Variants in MVB12B observed in about 807,000 individuals in gnomAD.
The protein encoded by MVB12B is multivesicular body subunit 12B, also known as ESCRT-I complex subunit MVB12B.
In MVB12B, 16 loss-of-function variants were observed where a neutral mutation model predicts 41.6. That is an observed-to-expected ratio of 0.38 (90% CI 0.26 to 0.58). The LOEUF is 0.58. MVB12B is among the 20% of genes least tolerant of loss of function. MVB12B has a pLI of 0.62. For missense variants in MVB12B, 274 were observed against 380.2 expected (o/e 0.72, Z 2.32); for synonymous variants, 133 against 139.7 (o/e 0.95, Z 0.34).
intron 6 of MVB12B, among the ~76,000 whole-genome samples, chr9:126,403,525 A>G (rs1171564744): frequency 1.3e-5 from 2 of 152,146 alleles, no homozygotes; most frequent in African/African-American, 4.8e-5. Flanking sequence ...TTTCTGTTTG[A>G]TCTTACTGAC....
intron 1 of MVB12B, among the ~76,000 whole-genome samples, chr9:126,332,652 C>T (rs1422979248): frequency 6.6e-6 from 1 of 152,196 alleles, no homozygotes; most frequent in African/African-American, 2.4e-5. Flanking sequence ...TGGAAGGGGT[C>T]TGACAGCTCT....
rs1833404455 is a variant in MVB12B at position 126,475,616 on chromosome 9, C to T, written c.758-5753C>T. 2.0e-5 allele frequency among the ~76,000 whole-genome samples: 3 copies of T among 152,200 alleles called. 1 individual carries two copies. In the South Asian group the frequency reaches 6.2e-4, roughly 31 times the overall value. On this transcript the variant is annotated intron_variant, in intron 7 of 9. Transcript: ENST00000361171. ...TGCTTCTCTTTGGAGCCTCCCTGTG[C>T]TGGTGAGAAGGGCACTGTGAGAGCC...
intron 6 of MVB12B, among the ~76,000 whole-genome samples, chr9:126,416,157 G>A (rs1402494945): frequency 1.3e-5 from 2 of 152,224 alleles, no homozygotes; most frequent in Admixed American, 1.3e-4. Context: ...GGTGCTGCAT[G>A]GAGGCCCTCA....
intron 7 of MVB12B, among the ~76,000 whole-genome samples, chr9:126,441,785 A>C (rs1832646422): frequency 6.6e-6 from 1 of 152,226 alleles, no homozygotes; most frequent in Non-Finnish European, 1.5e-5. Flanking sequence ...ATAGTGTAGA[A>C]TATTTAGATG....
chr9:126,416,965 G>C (rs897112678), intron 6 of MVB12B, among the ~76,000 whole-genome samples: 1 of 152,232 alleles, frequency 6.6e-6, no homozygotes. Context: ...TTCGGCAGGT[G>C]ACTTGTCCTG....
intron 9 of MVB12B, among the ~76,000 whole-genome samples, chr9:126,492,322 C>G (rs938423511): frequency 1.3e-5 from 2 of 151,644 alleles, no homozygotes; most frequent in Non-Finnish European, 2.9e-5. Flanking sequence ...TTTTGAGGTG[C>G]TTCCAATTAT....
At chr9:126,410,595 C>A (rs1831615443) in intron 6 of MVB12B, among the ~76,000 whole-genome samples, 1 of 152,140 alleles carries the variant, frequency 6.6e-6, no homozygotes, top group Non-Finnish European at 1.5e-5. Flanking sequence ...GGAACAAAGC[C>A]TTCACGCGGG....
intron 6 of MVB12B, among the ~76,000 whole-genome samples, chr9:126,398,616 C>G (rs1007437400): frequency 1.3e-5 from 2 of 152,220 alleles, no homozygotes; most frequent in African/African-American, 4.8e-5. Context: ...CCAGTGCGGT[C>G]TTTGTGTGGC....
chr9:126,446,059 G>A (rs1832758631), intron 7 of MVB12B, among the ~76,000 whole-genome samples: 2 of 152,146 alleles, frequency 1.3e-5, no homozygotes, highest in South Asian at 2.1e-4. Flanking sequence ...GTGTCCCATG[G>A]TTAAGTCTGA....
intron 7 of MVB12B, among the ~76,000 whole-genome samples, chr9:126,439,821 C>T (rs553989867): frequency 6.6e-6 from 1 of 152,336 alleles, no homozygotes; most frequent in South Asian, 2.1e-4. Context: ...CTTAAGGCTA[C>T]ATTAAGTGGA....
chr9:126,377,887 T>C (rs1830524293), intron 2 of MVB12B, among the ~76,000 whole-genome samples: 1 of 152,222 alleles, frequency 6.6e-6, no homozygotes, highest in South Asian at 2.1e-4. Context: ...AGAGCAGATG[T>C]CCCCTTTTTT....
chr9:126,328,607 C>A (rs1461696292), intron 1 of MVB12B, among the ~76,000 whole-genome samples: 1 of 152,154 alleles, frequency 6.6e-6, no homozygotes, highest in Non-Finnish European at 1.5e-5. Context: ...TAGTATTCAT[C>A]TCATGGGATT....
intron 7 of MVB12B, among the ~76,000 whole-genome samples, chr9:126,470,574 C>T (rs561676083): frequency 1.1e-4 from 16 of 151,970 alleles, no homozygotes; most frequent in Non-Finnish European, 2.1e-4. Flanking sequence ...ACTAGGGATG[C>T]AGAGGGATGA....
At chr9:126,465,449 G>A (rs1833178960) in intron 7 of MVB12B, among the ~76,000 whole-genome samples, 1 of 152,132 alleles carries the variant, frequency 6.6e-6, no homozygotes, top group African/African-American at 2.4e-5. Flanking sequence ...GCACCAGGAT[G>A]AGTCACTGAT....
intron 2 of MVB12B, among the ~76,000 whole-genome samples, chr9:126,354,160 A>G (rs542481772): frequency 3.9e-5 from 6 of 152,198 alleles, no homozygotes; most frequent in African/African-American, 1.2e-4. Context: ...TAGCTGGCTC[A>G]TATGGCTGGC....
At chr9:126,368,506 G>A (rs1288086400) in intron 2 of MVB12B, among the ~76,000 whole-genome samples, 3 of 152,060 alleles carry the variant, frequency 2.0e-5, no homozygotes, top group Non-Finnish European at 4.4e-5. Flanking sequence ...GAGAGGGTTG[G>A]AGAACCTTGT....
At chr9:126,502,200 G>A (rs1833972894) in intron 9 of MVB12B, among the ~76,000 whole-genome samples, 1 of 152,280 alleles carries the variant, frequency 6.6e-6, no homozygotes, top group East Asian at 1.9e-4. Context: ...TTGACGCAGG[G>A]TTCCAGGCCA....
At chr9:126,400,523 C>G (rs1831238452) in intron 6 of MVB12B, among the ~76,000 whole-genome samples, 1 of 152,188 alleles carries the variant, frequency 6.6e-6, no homozygotes, top group African/African-American at 2.4e-5. Context: ...CATATTCCCT[C>G]TCCCCACCTA....
chr9:126,348,519 A>G (rs751768866), intron 2 of MVB12B, among the ~76,000 whole-genome samples: 1 of 152,240 alleles, frequency 6.6e-6, no homozygotes, highest in Admixed American at 6.5e-5. Context: ...CCTGCTAACC[A>G]TGAATTTTTC....
Sources: allele counts gnomAD v4.1 joint callset (sites outside exome capture counted in the v4.1 genomes callset), GRCh38; gene constraint gnomAD v4.1.1; transcripts MANE v1.5; gene names NCBI Gene and HGNC (gene_info 2026-07-23, HGNC 2026-07-21).